Variants in OTOF observed in about 807,000 individuals in gnomAD.
OTOF encodes fer-1-like family member 2.
A neutral mutation model predicts 236.8 loss-of-function variants in OTOF; 218 were observed. The observed-to-expected ratio is 0.92, with a 90% CI of 0.82 to 1.03. The LOEUF is 1.03. Ranked by LOEUF, OTOF falls within the 50% of genes least tolerant of loss-of-function variation. The pLI, the probability that OTOF is intolerant of heterozygous loss-of-function variation, is 0.00. For missense variants in OTOF, 2,590 were observed against 2,694.4 expected, an observed-to-expected ratio of 0.96 and a Z score of 0.86; for synonymous variants, 1,041 against 1,072.5, an observed-to-expected ratio of 0.97 and a Z score of 0.57.
In OTOF at chr2:26,462,314, C is replaced by A. The variant is rs1432657303; in HGVS notation, c.5193-133G>T. On this transcript the variant is annotated intron_variant, in intron 41 of 46. Transcript: ENST00000272371. The surrounding 1 kb of genome is among the most constrained non-coding windows in gnomAD (Gnocchi z 4.7). ...GCACAGGGCCTGGGCCAGGCTGGGG[C>A]TGGAGGAGTGGTTTGGGGTTGGGGG... The A allele has an allele frequency of 5.3e-6, 4 of 753,180 alleles. No homozygotes were observed. The highest frequency in any genetic ancestry group is 9.3e-6 in the Non-Finnish European group (4 of 431,812). 46.7% of individuals were successfully genotyped at this position (753,180 alleles called of 1,614,324 possible). A position where few individuals can be genotyped will look rare whatever the true frequency, so the allele number is the denominator to read the frequency against.
chr2:26,558,476 G>A lies in OTOF; in HGVS notation c.79+17C>T. On this transcript the variant is annotated intron_variant, in intron 1 of 46. Coordinates refer to ENST00000272371, the MANE Select transcript of OTOF (RefSeq NM_194248.3). ...GCTCTCAGAGCTGGCGTCCCTCTGA[G>A]ACAGCGGCTTCCCTACCTCGGAAAG... is the stretch of plus-strand genomic sequence containing the variant. The A allele has an allele frequency of 6.2e-7, 1 of 1,611,518 alleles. No individual in the cohort carries two copies. Among genetic ancestry groups the A allele is most frequent in the Non-Finnish European group, 8.5e-7 (1 of 1,177,724 alleles).
In OTOF at chr2:26,477,884, C is replaced by G; in HGVS notation, c.2215-135G>C. 1 of 1,546,598 alleles carries G rather than the reference C, an allele frequency of 6.5e-7. No homozygotes were observed. Among genetic ancestry groups the G allele is most frequent in the Non-Finnish European group, 8.7e-7 (1 of 1,144,342 alleles). On this transcript the variant is annotated intron_variant, in intron 18 of 46. Transcript: ENST00000272371. This position sits in a 1 kb window ranked among gnomAD's most constrained non-coding sequence, Gnocchi z 4.7. ...CTCTCGCTAGGGCCATCCTGAGTAT[C>G]GGTCATCATGAGGAAGTCATCAATT... is the stretch of plus-strand genomic sequence containing the variant.
chr2:26,499,577 G>A (rs1388773135), intron 8 of OTOF, among the ~76,000 whole-genome samples: 12 of 152,082 alleles, frequency 7.9e-5, no homozygotes, highest in African/African-American at 2.7e-4. Flanking sequence ...GTGCGGTCTC[G>A]ACTCACTACA....
At chr2:26,492,908 T>G (rs1271709949) in intron 9 of OTOF, among the ~76,000 whole-genome samples, 1 of 152,040 alleles carries the variant, frequency 6.6e-6, no homozygotes, top group Non-Finnish European at 1.5e-5. Context: ...GGAGAGCAGC[T>G]CTGTGCCCTT....
chr2:26,517,174 C>T (rs1425282128), intron 4 of OTOF, among the ~76,000 whole-genome samples: 2 of 152,140 alleles, frequency 1.3e-5, no homozygotes, highest in African/African-American at 2.4e-5. Context: ...GTAGAGCACT[C>T]AACCGGGCTC....
intron 16 of OTOF, 117 bp downstream of exon 16, chr2:26,480,086 G>A: frequency 1.3e-6 from 1 of 745,178 alleles, no homozygotes; most frequent in South Asian, 1.4e-5. Context: ...TTCCCTACAA[G>A]AGTGAGGACA....
In OTOF at chr2:26,484,579, G is replaced by A. The variant is rs200985159; in HGVS notation, c.1100C>T (p.Ser367Leu). 1.7e-5 allele frequency: 27 copies of A among 1,613,930 alleles called. No homozygotes were observed. The highest frequency in any genetic ancestry group is 6.7e-5 in the East Asian group (3 of 44,874). The change falls in exon 12 of 47, where the codon TCG (serine) becomes TTG (leucine). Residue 367 changes from serine (S) to leucine (L), a missense_variant. Transcript: ENST00000272371. ...ACACTTCACGTAGCCCTTCAGCCCC[G>A]AGGAGATGTCATCGGGGTCAGACAG... Reference protein sequence around the residue: ...AILSDPDDISSGLKGYVKCDV... With the variant: ...AILSDPDDISLGLKGYVKCDV...
At position 26,472,561 on chromosome 2, in the gene OTOF, C is replaced by A; in HGVS notation, c.3822G>T (p.Glu1274Asp). Reference protein sequence around the residue: ...TGEVVVTMEPEVPIKKLETMV... With the variant: ...TGEVVVTMEPDVPIKKLETMV... ...TGGTCTCCAGTTTCTTGATGGGTACCTCTGGCTCCATAGTCACCACAACCT... is the reference window on the plus strand; with the variant it reads ...TGGTCTCCAGTTTCTTGATGGGTACATCTGGCTCCATAGTCACCACAACCT... The change falls in exon 30 of 47, where the codon GAG becomes GAT. Residue 1274 changes from glutamate to aspartate, a missense_variant. Physicochemically the swap from Glu to Asp is conservative, Grantham distance 45. This residue lies in a region of OTOF where 1,211 missense variants were observed against 1,352.8 expected (regional missense o/e 0.90). Transcript: ENST00000272371. 2 of 1,613,546 alleles carry A rather than the reference C, an allele frequency of 1.2e-6. No individual in the cohort carries two copies. The highest frequency in any genetic ancestry group is 8.5e-7 in the Non-Finnish European group (1 of 1,180,040).
In OTOF at chr2:26,460,554, A is replaced by T; in HGVS notation, c.5813+93T>A. 9.9e-7 allele frequency: 1 copy of T among 1,008,090 alleles called. No individual in the cohort carries two copies. The allele number at this position is 1,008,090 out of a possible 1,614,324, so 62.4% of individuals were successfully genotyped here. A position where few individuals can be genotyped will look rare whatever the true frequency, so the allele number is the denominator to read the frequency against. On this transcript the variant is annotated intron_variant, in intron 45 of 46. Coordinates refer to ENST00000272371, the MANE Select transcript of OTOF (RefSeq NM_194248.3). The surrounding 1 kb of genome is among the most constrained non-coding windows in gnomAD (Gnocchi z 5.3). ...CTCCCCTGTAATGAGGCTGTGGCCC[A>T]GGAAGAGATGGGGTGTCTGGGGATC...
intron 1 of OTOF, 29 bp from the exon 2 acceptor site, chr2:26,537,803 G>A: frequency 6.6e-7 from 1 of 1,507,774 alleles, no homozygotes; most frequent in Non-Finnish European, 9.0e-7. Context: ...TAAATTCTAG[G>A]GTCAGAGCTG....
Position 26,477,243 on chromosome 2 carries a change from G to A in OTOF, c.2452C>T (p.Arg818Trp), listed in dbSNP as rs2272070. The change falls in exon 21 of 47, where the codon CGG (arginine) becomes TGG (tryptophan). Residue 818 changes from arginine to tryptophan, a missense_variant. By Grantham distance (101) the Arg-to-Trp change is moderately radical. Transcript: ENST00000272371. This position sits in a 1 kb window ranked among gnomAD's most constrained non-coding sequence, Gnocchi z 4.7. ...CTCAGCTTGTCCCGCACCGTGTGCCGCTTCACCTGGGCCCGCAGCATCCTG... is the reference window on the plus strand; with the variant it reads ...CTCAGCTTGTCCCGCACCGTGTGCCACTTCACCTGGGCCCGCAGCATCCTG... Reference protein sequence around the residue: ...QARMLRAQVKRHTVRDKLRLC... With the variant: ...QARMLRAQVKWHTVRDKLRLC... The A allele has an allele frequency of 1.4e-4, 226 of 1,609,026 alleles. 1 individual carries two copies. The East Asian group carries it at 3.7e-3, about 27-fold the overall frequency.
intron 6 of OTOF, 94 bp downstream of exon 6, chr2:26,503,678 A>G (rs1004390785): frequency 1.8e-6 from 2 of 1,097,776 alleles, no homozygotes; most frequent in African/African-American, 3.1e-5. Context: ...GACCTATCCC[A>G]GGAGGGCCTT....
intron 5 of OTOF, chr2:26,510,873 A>C: frequency 2.3e-6 from 1 of 431,964 alleles, no homozygotes; most frequent in Non-Finnish European, 4.1e-6. Flanking sequence ...TGTCCCACAG[A>C]CCTCTCACCC....
Position 26,473,937 on chromosome 2 carries a change from C to T in OTOF, c.3408+54G>A. 6.2e-7 allele frequency: 1 copy of T among 1,610,632 alleles called. No homozygotes were observed. Among genetic ancestry groups the T allele is most frequent in the South Asian group, 1.1e-5 (1 of 90,982 alleles). On this transcript the variant is annotated intron_variant, in intron 27 of 46. Transcript: ENST00000272371. This position sits in a 1 kb window ranked among gnomAD's most constrained non-coding sequence, Gnocchi z 7.2. The stretch of plus-strand genomic sequence containing the variant: ...GGGGGATGACAAGCCACTTCCCCTC[C>T]TGGGTCCTCAGACTCCTCATCCAAA...
chr2:26,478,759 C>T (rs1386583693), intron 18 of OTOF, among the ~76,000 whole-genome samples: 5 of 152,188 alleles, frequency 3.3e-5, no homozygotes, highest in Admixed American at 2.0e-4. Flanking sequence ...AGTGCAGTGG[C>T]GCCATCTTGG....
In OTOF at chr2:26,495,048, C is replaced by T. The variant is rs370475628; in HGVS notation, c.791G>A (p.Arg264Gln). 56 of 1,613,998 alleles carry T rather than the reference C, an allele frequency of 3.5e-5. 1 individual carries two copies. Among genetic ancestry groups the T allele is most frequent in the Admixed American group, 3.2e-4 (19 of 60,004 alleles). The stretch of plus-strand genomic sequence containing the variant: ...GTCCATGTTCAAGCCCACCAGCTGC[C>T]GGGCCTCGATCACCGTGATGCTGAC... ...YQVSITVIEA[R>Q]QLVGLNMDPV... Residue 264 changes from arginine to glutamine, a missense_variant, in exon 9 of 47, where the codon CGG becomes CAG. By Grantham distance (43) the Arg-to-Gln change is conservative. This residue lies in a region of OTOF where 1,379 missense variants were observed against 1,341.6 expected (regional missense o/e 1.03). Transcript: ENST00000272371.
rs772531728 is a variant in OTOF at position 26,467,178 on chromosome 2, G to C, written c.4283C>G (p.Thr1428Ser). ...EFDNFEDWLHTFNLLRGKTGD... is the reference protein window; with the variant it reads ...EFDNFEDWLHSFNLLRGKTGD... Reference sequence around the variant, plus strand: ...GGTCTTGCCCCGAAGCAAGTTGAAAGTGTGCAGCCAGTCCTCAAAGTTATC... The same window carrying C: ...GGTCTTGCCCCGAAGCAAGTTGAAACTGTGCAGCCAGTCCTCAAAGTTATC... Residue 1428 changes from threonine (T) to serine (S), a missense_variant, in exon 35 of 47, where the codon ACT (threonine) becomes AGT (serine). This residue lies in a region of OTOF where 1,211 missense variants were observed against 1,352.8 expected (regional missense o/e 0.90). Transcript: ENST00000272371. 1.9e-6 allele frequency: 3 copies of C among 1,614,160 alleles called. No homozygotes were observed. The highest frequency in any genetic ancestry group is 1.6e-4 in the Middle Eastern group (1 of 6,062).
intron 1 of OTOF, among the ~76,000 whole-genome samples, chr2:26,553,799 G>C (rs1313075721): frequency 2.0e-5 from 3 of 152,086 alleles, no homozygotes; most frequent in Non-Finnish European, 4.4e-5. Flanking sequence ...TCCTTCCTCT[G>C]TCTTCCCCTA....
chr2:26,466,219 C>T, intron 36 of OTOF, 143 bp from the exon 37 acceptor site: 1 of 985,856 alleles, frequency 1.0e-6, no homozygotes, highest in Non-Finnish European at 1.6e-6. Flanking sequence ...CTGTGTGACC[C>T]TAGGCAAGTG....
Sources: gnomAD v4.1 joint callset for allele counts (sites outside exome capture counted in the v4.1 genomes callset) on GRCh38, gnomAD v4.1.1 for gene constraint, gnomAD v4.1.1 regional missense constraint, Gnocchi (gnomAD v3.1) non-coding constraint, MANE v1.5 for transcripts, NCBI Gene and HGNC (gene_info 2026-07-23, HGNC 2026-07-21) for gene names.